USP9X: variants seen among roughly 807,000 people sequenced by gnomAD.
USP9X encodes ubiquitin specific peptidase 9 X-linked, also known as ubiquitin carboxyl-terminal hydrolase 9X.
Under a neutral mutation model 190.3 loss-of-function variants are expected in USP9X, and 7 were observed. That is an observed-to-expected ratio of 0.04 (90% CI 0.02 to 0.07). USP9X has a LOEUF of 0.07. Among genes scored for constraint, USP9X ranks in the 10% least tolerant of loss-of-function variants. The probability of loss-of-function intolerance (pLI) is 1.00; values close to 1 mark genes in which losing one functional copy is unlikely to be tolerated. For synonymous variants in USP9X, 645 were observed against 659.5 expected, an observed-to-expected ratio of 0.98 and a Z score of 0.34; for missense variants, 1,010 against 1,916.9, an observed-to-expected ratio of 0.53 and a Z score of 8.83.
Position 41,230,611 on chromosome X carries a change from GT to G in USP9X, c.7527+18del, listed in dbSNP as rs1422762595. 8.5e-7 allele frequency: 1 copy of G among 1,179,038 alleles called. No individual in the cohort carries two copies. Among genetic ancestry groups the G allele is most frequent in the Non-Finnish European group, 1.1e-6 (1 of 871,222 alleles). ...AGTATCAACAGGTAAACAGGAGTCA[GT>G]TTATGCTTTTATCCCCTAGAACTGG... On this transcript the variant is annotated intron_variant, in intron 44 of 44. Coordinates refer to ENST00000378308, the MANE Select transcript of USP9X (RefSeq NM_001039591.3).
At chrX:41,176,550 C>T (rs960077322) in intron 21 of USP9X, among the ~76,000 whole-genome samples, 1 of 111,681 alleles carries the variant, frequency 9.0e-6, no homozygotes, top group Non-Finnish European at 1.9e-5. Context: ...GTAGAACCTG[C>T]CAAGGTCCAT....
At chrX:41,135,516 A>G (rs1336095547) in intron 5 of USP9X, among the ~76,000 whole-genome samples, 1 of 111,766 alleles carries the variant, frequency 8.9e-6, no homozygotes, top group Non-Finnish European at 1.9e-5. Context: ...ACAGTAATGT[A>G]TTGTTCATTG....
chrX:41,201,970 CAAAA>C (rs768219733), intron 31 of USP9X, among the ~76,000 whole-genome samples: 1 of 96,056 alleles, frequency 1.0e-5, no homozygotes, highest in African/African-American at 3.8e-5. Flanking sequence ...GACTCCGTCT[CAAAA>C]AAAAAAAGCA....
chrX:41,085,869 A>T lies in USP9X; in HGVS notation c.-399A>T, dbSNP rs999230756. The T allele has an allele frequency of 3.4e-6, 1 of 296,816 alleles. No individual in the cohort carries two copies. 24.5% of individuals were successfully genotyped at this position (296,816 alleles called of 1,213,427 possible). On this transcript the variant is annotated 5_prime_UTR_variant, in exon 1 of 45. Coordinates refer to ENST00000378308, the MANE Select transcript of USP9X (RefSeq NM_001039591.3). ...AAGGGGAAGAGGGCCGTCGCCGGCC[A>T]AGGAGGAGGAGGAGGCGGGCGCGGC...
At chrX:41,125,684 A>ACACACACACACACACC in intron 2 of USP9X, among the ~76,000 whole-genome samples, 1 of 19,027 alleles carries the variant, frequency 5.3e-5, no homozygotes, top group Non-Finnish European at 9.0e-5. Flanking sequence ...ACACACACAC[A>ACACACACACACACACC]CTCTCTCTCT....
rs932952719 is a variant in USP9X, at chrX:41,128,917, A to G, written c.97-83A>G. Reference sequence around the variant, plus strand: ...TATTTACAAAATTTTTAAATCTGCAATGCTTGTCTATGTTGGTGTTTGGAT... The same window carrying G: ...TATTTACAAAATTTTTAAATCTGCAGTGCTTGTCTATGTTGGTGTTTGGAT... On this transcript the variant is annotated intron_variant, in intron 2 of 44. Transcript: ENST00000378308. 44 of 1,044,335 alleles carry G rather than the reference A, an allele frequency of 4.2e-5. No homozygotes were observed. In the East Asian group the frequency reaches 1.2e-3, roughly 27 times the overall value. The allele number at this position is 1,044,335 out of a possible 1,213,427, so 86.1% of individuals were successfully genotyped here.
At chrX:41,152,547 A>T (rs2062537930) in intron 13 of USP9X, among the ~76,000 whole-genome samples, 1 of 112,001 alleles carries the variant, frequency 8.9e-6, no homozygotes, top group African/African-American at 3.2e-5. Context: ...GAAAATGCTA[A>T]GAGCATTTTC....
chrX:41,166,360 T>C lies in USP9X; in HGVS notation c.2328+146T>C, dbSNP rs751808484. 8.8e-6 allele frequency: 4 copies of C among 453,277 alleles called. No individual in the cohort carries two copies. In the South Asian group the frequency reaches 2.0e-4, roughly 23 times the overall value. The allele number at this position is 453,277 out of a possible 1,213,427, so 37.4% of individuals were successfully genotyped here. A position where few individuals can be genotyped will look rare whatever the true frequency, so the allele number is the denominator to read the frequency against. On this transcript the variant is annotated intron_variant, in intron 16 of 44. Transcript: ENST00000378308. Reference sequence around the variant, plus strand: ...GTAGTTAGGAATTGTTCATTTTTATTATGTCACCTGTCAGTGGGCTTTTTC... The same window carrying C: ...GTAGTTAGGAATTGTTCATTTTTATCATGTCACCTGTCAGTGGGCTTTTTC...
chrX:41,198,716 G>T lies in USP9X; in HGVS notation c.4569G>T (p.Leu1523Phe). 1 of 1,209,616 alleles carries T rather than the reference G, an allele frequency of 8.3e-7. No homozygotes were observed. Among genetic ancestry groups the T allele is most frequent in the Non-Finnish European group, 1.1e-6 (1 of 894,042 alleles). ...VRNLKQIVDSLTEMYYIGTAI... is the reference protein window; with the variant it reads ...VRNLKQIVDSFTEMYYIGTAI... ...ATCTCAAACAAATAGTAGATTCTTT[G>T]ACTGAAATGTATTACATTGGCACAG... The change falls in exon 30 of 45, where the codon TTG becomes TTT. Residue 1523 changes from leucine (L) to phenylalanine (F), a missense_variant. Leu to Phe is a conservative substitution (Grantham distance 22). This residue lies in a region of USP9X where 120 missense variants were observed against 342.7 expected (regional missense o/e 0.35). Transcript: ENST00000378308.
At chrX:41,094,376 A>G (rs998197163) in intron 1 of USP9X, among the ~76,000 whole-genome samples, 2 of 108,889 alleles carry the variant, frequency 1.8e-5, no homozygotes, top group African/African-American at 6.7e-5. Context: ...GGGTTTCACC[A>G]TGTTGGCCAG....
Position 41,216,253 on chromosome X carries a change from C to T in USP9X, c.5686C>T (p.Arg1896Cys), listed in dbSNP as rs766583023. The stretch of plus-strand genomic sequence containing the variant: ...GAATGGTGGAGATGGTGAGAGAAAT[C>T]GCTGGTATAAATTTGATGATGGTGA... ...QRNGGDGERN[R>C]WYKFDDGDVT... Residue 1896 changes from arginine to cysteine, a missense_variant, in exon 35 of 45, where the codon CGC (arginine) becomes TGC (cysteine). Around this residue, in one of 11 missense-constraint regions of USP9X, gnomAD observed 120 missense variants for 342.7 expected, o/e 0.35. Transcript: ENST00000378308. 3 of 1,209,169 alleles carry T rather than the reference C, an allele frequency of 2.5e-6. No homozygotes were observed. The highest frequency in any genetic ancestry group is 3.4e-6 in the Non-Finnish European group (3 of 895,085).
intron 38 of USP9X, among the ~76,000 whole-genome samples, chrX:41,220,498 C>T (rs1293921436): frequency 1.8e-5 from 2 of 112,339 alleles, no homozygotes; most frequent in African/African-American, 6.5e-5. Flanking sequence ...ACCAACATCT[C>T]TATAGCAGGG....
Position 41,232,616 on chromosome X carries a change from A to G in USP9X, c.*92A>G. On this transcript the variant is annotated 3_prime_UTR_variant, in exon 45 of 45. Transcript: ENST00000378308. ...TGTCTGGCTAATATTTAAAACTAGA[A>G]AAACTATTCCTAATCAACATGGAGT... The G allele has an allele frequency of 1.9e-6, 2 of 1,060,574 alleles. No homozygotes were observed. Among genetic ancestry groups the G allele is most frequent in the Non-Finnish European group, 2.5e-6 (2 of 794,731 alleles). 87.4% of individuals were successfully genotyped at this position (1,060,574 alleles called of 1,213,427 possible). A position where few individuals can be genotyped will look rare whatever the true frequency, so the allele number is the denominator to read the frequency against.
rs1418984015 is a variant in USP9X, at chrX:41,233,275, A to G, written c.*751A>G. 3 of 112,120 alleles carry G rather than the reference A, an allele frequency of 2.7e-5. No individual in the cohort carries two copies. The highest frequency in any genetic ancestry group is 5.6e-5 in the Non-Finnish European group (3 of 53,259). 9.2% of individuals were successfully genotyped at this position (112,120 alleles called of 1,213,427 possible). ...GACAGCTGTATTACTCAGAGCTTTTACTTCTTACACCTAGAATATTAAAAT... is the reference window on the plus strand; with the variant it reads ...GACAGCTGTATTACTCAGAGCTTTTGCTTCTTACACCTAGAATATTAAAAT... On this transcript the variant is annotated 3_prime_UTR_variant, in exon 45 of 45. Coordinates refer to ENST00000378308, the MANE Select transcript of USP9X (RefSeq NM_001039591.3).
At chrX:41,125,131 A>G (rs1229344644) in intron 2 of USP9X, among the ~76,000 whole-genome samples, 1 of 111,173 alleles carries the variant, frequency 9.0e-6, no homozygotes, top group Non-Finnish European at 1.9e-5. Context: ...GCTGGAGTGC[A>G]GTGGCGCGAT....
At chrX:41,130,858 T>G (rs2062306877) in intron 3 of USP9X, among the ~76,000 whole-genome samples, 1 of 111,054 alleles carries the variant, frequency 9.0e-6, no homozygotes, top group African/African-American at 3.3e-5. Context: ...CCCGAGTAGC[T>G]GAGATTACAG....
At chrX:41,135,432 A>C (rs1423074738) in intron 5 of USP9X, among the ~76,000 whole-genome samples, 1 of 111,832 alleles carries the variant, frequency 8.9e-6, no homozygotes, top group Non-Finnish European at 1.9e-5. Flanking sequence ...AAGTGGTCTC[A>C]TGTCGGTAGT....
intron 1 of USP9X, among the ~76,000 whole-genome samples, chrX:41,101,970 G>A (rs929519294): frequency 2.7e-5 from 3 of 111,586 alleles, no homozygotes; most frequent in Non-Finnish European, 3.8e-5. Flanking sequence ...AAATAGATTA[G>A]CATGGGACTG....
intron 32 of USP9X, among the ~76,000 whole-genome samples, chrX:41,206,596 A>G (rs930201597): frequency 9.0e-6 from 1 of 110,950 alleles, no homozygotes; most frequent in Admixed American, 9.6e-5. Flanking sequence ...TGCATCTTCT[A>G]TAAACACCTT....
Sources: allele counts gnomAD v4.1 joint callset (sites outside exome capture counted in the v4.1 genomes callset), GRCh38; gene constraint gnomAD v4.1.1; regional missense constraint gnomAD v4.1.1; transcripts MANE v1.5; gene names NCBI Gene and HGNC (gene_info 2026-07-23, HGNC 2026-07-21).